The following CTTNBP2 variants were observed in gnomAD, a reference collection of about 807,000 sequenced individuals.
The protein encoded by CTTNBP2 is cortactin binding protein 2.
A neutral mutation model predicts 156.9 loss-of-function variants in CTTNBP2; 108 were observed. The ratio of observed to expected loss-of-function variants is 0.69; its 90% CI spans 0.59 to 0.81. The LOEUF (loss-of-function observed/expected upper bound fraction) is 0.81. Ranked by LOEUF, CTTNBP2 falls within the 30% of genes least tolerant of loss-of-function variation. The pLI, the probability that CTTNBP2 is intolerant of heterozygous loss-of-function variation, is 0.00. For synonymous variants in CTTNBP2, 767 were observed against 751.8 expected (o/e 1.02, Z -0.33); for missense variants, 1,924 against 2,035.4 (o/e 0.95, Z 1.05).
chr7:117,723,093 C>T (rs1794894046), intron 19 of CTTNBP2, among the ~76,000 whole-genome samples: 1 of 152,118 alleles, frequency 6.6e-6, no homozygotes, highest in African/African-American at 2.4e-5. Flanking sequence ...CTAAATCAAA[C>T]ACTCTGACAA....
intron 4 of CTTNBP2, among the ~76,000 whole-genome samples, chr7:117,789,578 C>T (rs1798880343): frequency 6.6e-6 from 1 of 152,144 alleles, no homozygotes; most frequent in African/African-American, 2.4e-5. Flanking sequence ...TCAGTAATAC[C>T]ATTTTGGATC....
intron 3 of CTTNBP2, among the ~76,000 whole-genome samples, chr7:117,809,505 T>C (rs1163847763): frequency 6.6e-6 from 1 of 152,194 alleles, no homozygotes; most frequent in African/African-American, 2.4e-5. Flanking sequence ...ATGTGGTTTG[T>C]GGGGAGTTTT....
chr7:117,743,178 G>C (rs1796110059), intron 14 of CTTNBP2, among the ~76,000 whole-genome samples: 2 of 152,194 alleles, frequency 1.3e-5, no homozygotes, highest in South Asian at 4.1e-4. Context: ...TCGTGACCTT[G>C]TTCATTGCAC....
intron 16 of CTTNBP2, among the ~76,000 whole-genome samples, chr7:117,731,885 G>A (rs922938728): frequency 3.3e-5 from 5 of 152,146 alleles, no homozygotes; most frequent in Non-Finnish European, 7.3e-5. Context: ...CGCAGACAAA[G>A]GAGAAAGCTG....
intron 2 of CTTNBP2, among the ~76,000 whole-genome samples, chr7:117,843,587 C>A (rs2117148169): frequency 6.6e-6 from 1 of 152,238 alleles, no homozygotes; most frequent in Admixed American, 6.5e-5. Context: ...AGAAGCAATT[C>A]AGAAACATAA....
chr7:117,756,251 G>T lies in CTTNBP2; in HGVS notation c.3348+304C>A, dbSNP rs571534110. Among the ~76,000 whole-genome samples, 5 of 152,122 alleles carry T rather than the reference G, an allele frequency of 3.3e-5. No individual in the cohort carries two copies. In the South Asian group the frequency reaches 1.0e-3, roughly 32 times the overall value. ...ATTTGTGGCCATTCCCTTTCATATT[G>T]ATCATCATTTACTTGACATCAAGTC... On this transcript the variant is annotated intron_variant, in intron 12 of 22. Coordinates refer to ENST00000160373, the MANE Select transcript of CTTNBP2 (RefSeq NM_033427.3).
chr7:117,846,184 AG>A (rs1284484589), intron 2 of CTTNBP2, among the ~76,000 whole-genome samples: 1 of 152,142 alleles, frequency 6.6e-6, no homozygotes, highest in Non-Finnish European at 1.5e-5. Flanking sequence ...CCCTACTCAT[AG>A]CTAATGGAAA....
intron 2 of CTTNBP2, among the ~76,000 whole-genome samples, chr7:117,846,227 A>C (rs1802579871): frequency 1.3e-5 from 2 of 152,150 alleles, no homozygotes; most frequent in Admixed American, 1.3e-4. Context: ...GAAGAATAAT[A>C]AGGTTTTGAT....
In CTTNBP2 at chr7:117,783,010, A is replaced by C. The variant is rs371140381; in HGVS notation, c.2273-49T>G. The C allele has an allele frequency of 4.1e-5, 55 of 1,344,100 alleles. No individual in the cohort carries two copies. The African/African-American group carries it at 7.1e-4, about 17-fold the overall frequency. 83.3% of individuals were successfully genotyped at this position (1,344,100 alleles called of 1,614,324 possible). A position where few individuals can be genotyped will look rare whatever the true frequency, so the allele number is the denominator to read the frequency against. ...TGTAAATTCCCCATTTGGAGTTATG[A>C]TGTGCCAAATTCTATACAAGCTGTA... is the stretch of plus-strand genomic sequence containing the variant. On this transcript the variant is annotated intron_variant, in intron 5 of 22. Coordinates refer to ENST00000160373, the MANE Select transcript of CTTNBP2 (RefSeq NM_033427.3).
At chr7:117,850,233 T>C (rs1330512769) in intron 2 of CTTNBP2, among the ~76,000 whole-genome samples, 1 of 152,222 alleles carries the variant, frequency 6.6e-6, no homozygotes, top group Non-Finnish European at 1.5e-5. Flanking sequence ...ATGGGGAATA[T>C]GTGCCAAGAC....
At chr7:117,720,988 A>G (rs548082158) in intron 20 of CTTNBP2, 79 bp downstream of exon 20, 2 of 922,964 alleles carry the variant, frequency 2.2e-6, no homozygotes, top group Admixed American at 1.7e-5. Flanking sequence ...AAATGAGAAC[A>G]TGGAACATTT....
intron 7 of CTTNBP2, among the ~76,000 whole-genome samples, chr7:117,778,400 T>C (rs9969206): frequency 6.6e-6 from 1 of 152,038 alleles, no homozygotes; most frequent in Non-Finnish European, 1.5e-5. Context: ...AAAATTATTG[T>C]GTCTGTTTTC....
intron 22 of CTTNBP2, among the ~76,000 whole-genome samples, 188 bp downstream of exon 22, chr7:117,717,830 A>AT (rs1470048439): frequency 2.6e-5 from 4 of 151,844 alleles, no homozygotes; most frequent in African/African-American, 4.8e-5. Context: ...TTCCTATGTC[A>AT]TTTTTTTCCA....
chr7:117,752,342 A>G (rs1205255459), intron 12 of CTTNBP2, among the ~76,000 whole-genome samples: 1 of 152,172 alleles, frequency 6.6e-6, no homozygotes, highest in Non-Finnish European at 1.5e-5. Flanking sequence ...ACTCATAGTC[A>G]CTGAATTATT....
At chr7:117,795,073 T>C (rs1585018345) in intron 3 of CTTNBP2, among the ~76,000 whole-genome samples, 1 of 150,912 alleles carries the variant, frequency 6.6e-6, no homozygotes, top group Admixed American at 6.6e-5. Flanking sequence ...TTTTTTTGTA[T>C]TTTTAGTAGA....
At chr7:117,800,865 T>C (rs1253736803) in intron 3 of CTTNBP2, among the ~76,000 whole-genome samples, 2 of 152,020 alleles carry the variant, frequency 1.3e-5, no homozygotes, top group Non-Finnish European at 2.9e-5. Context: ...CTAAGTACCA[T>C]CTCCCATTAA....
intron 8 of CTTNBP2, among the ~76,000 whole-genome samples, chr7:117,776,131 T>C (rs910977341): frequency 2.0e-5 from 3 of 152,182 alleles, no homozygotes; most frequent in Non-Finnish European, 4.4e-5. Context: ...TCTGTCTTCT[T>C]GATCAAAATG....
intron 1 of CTTNBP2, among the ~76,000 whole-genome samples, chr7:117,864,843 C>A (rs1362752960): frequency 1.9e-4 from 20 of 107,706 alleles, no homozygotes; most frequent in Non-Finnish European, 3.7e-4. Flanking sequence ...TATATTCATT[C>A]TATATTCATA....
At chr7:117,715,491 AAAG>A (rs1167827730) in intron 22 of CTTNBP2, among the ~76,000 whole-genome samples, 5 of 151,488 alleles carry the variant, frequency 3.3e-5, no homozygotes, top group East Asian at 1.9e-4. Context: ...AAAAAAAAAA[AAAG>A]AAGCCTCAAG....
Sources: allele counts gnomAD v4.1 joint callset (sites outside exome capture counted in the v4.1 genomes callset), GRCh38; gene constraint gnomAD v4.1.1; transcripts MANE v1.5; gene names NCBI Gene and HGNC (gene_info 2026-07-23, HGNC 2026-07-21).